The following ZNF287 variants were observed in gnomAD, a reference collection of about 807,000 sequenced individuals.
ZNF287 encodes the protein zinc finger protein with KRAB and SCAN domains 13.
Under a neutral mutation model 73.7 loss-of-function variants are expected in ZNF287, and 31 were observed. That is an observed-to-expected ratio of 0.42 (90% CI 0.32 to 0.57). The LOEUF (loss-of-function observed/expected upper bound fraction) is 0.57. ZNF287 is among the 20% of genes least tolerant of loss of function. ZNF287 has a pLI of 0.13. For synonymous variants in ZNF287, 301 were observed against 307.2 expected, an observed-to-expected ratio of 0.98 and a Z score of 0.21; for missense variants, 641 against 909.3, an observed-to-expected ratio of 0.70 and a Z score of 3.79.
intron 5 of ZNF287, among the ~76,000 whole-genome samples, chr17:16,560,883 G>A (rs1486885390): frequency 1.3e-5 from 2 of 149,040 alleles, no homozygotes; most frequent in African/African-American, 2.5e-5. Context: ...GGTGCCTGTC[G>A]TCCCAGCTAC....
chr17:16,563,665 G>A, intron 4 of ZNF287, 34 bp downstream of exon 4: 1 of 1,602,718 alleles, frequency 6.2e-7, no homozygotes. Flanking sequence ...AATGGGAACA[G>A]GCTCGGAGGA....
chr17:16,568,706 C>T (rs1233816702), intron 1 of ZNF287: 1 of 152,368 alleles, frequency 6.6e-6, no homozygotes. Flanking sequence ...CTTGCCTTGC[C>T]TCCTGTCGCC....
In ZNF287 at chr17:16,569,160, A is replaced by C. The variant is rs1309201572; in HGVS notation, c.-407T>G. On this transcript the variant is annotated 5_prime_UTR_variant, in exon 1 of 6. Transcript: ENST00000395825. Reference sequence around the variant, plus strand: ...CCGGTCCTGAGAAGCCCGGCCCAGAAACCCCGGCGCCTCTGCTTAGCCGCG... The same window carrying C: ...CCGGTCCTGAGAAGCCCGGCCCAGACACCCCGGCGCCTCTGCTTAGCCGCG... 6.6e-6 allele frequency: 1 copy of C among 152,422 alleles called. No individual in the cohort carries two copies. Among genetic ancestry groups the C allele is most frequent in the African/African-American group, 2.4e-5 (1 of 41,458 alleles). 9.4% of individuals were successfully genotyped at this position (152,422 alleles called of 1,614,324 possible). A position where few individuals can be genotyped will look rare whatever the true frequency, so the allele number is the denominator to read the frequency against.
Position 16,552,692 on chromosome 17 carries a change from C to G in ZNF287, c.1450G>C (p.Glu484Gln). The G allele has an allele frequency of 1.2e-6, 2 of 1,614,084 alleles. No homozygotes were observed. Among genetic ancestry groups the G allele is most frequent in the Non-Finnish European group, 1.7e-6 (2 of 1,180,004 alleles). ...HTGEKPYKCL[E>Q]CGKTFSHSSS... The stretch of plus-strand genomic sequence containing the variant: ...CTATGACTGAAGGTTTTACCACATT[C>G]CAAGCATTTATATGGTTTCTCTCCA... The change falls in exon 6 of 6, where the codon GAA (glutamate) becomes CAA (glutamine). Residue 484 changes from glutamate to glutamine, a missense_variant. Glu to Gln is a conservative substitution (Grantham distance 29). Coordinates refer to ENST00000395825, the MANE Select transcript of ZNF287 (RefSeq NM_020653.4). The surrounding 1 kb of genome is among the most constrained non-coding windows in gnomAD (Gnocchi z 6.5).
rs1906580317 is a variant in ZNF287, at chr17:16,550,555, T to C, written c.*1301A>G. Among the ~76,000 whole-genome samples the C allele has an allele frequency of 6.6e-6, 1 of 152,212 alleles. No homozygotes were observed. The highest frequency in any genetic ancestry group is 1.5e-5 in the Non-Finnish European group (1 of 68,028). On this transcript the variant is annotated 3_prime_UTR_variant, in exon 6 of 6. Coordinates refer to ENST00000395825, the MANE Select transcript of ZNF287 (RefSeq NM_020653.4). The stretch of plus-strand genomic sequence containing the variant: ...ACTTCCACTTCCTTCTCTTGGGATA[T>C]AGGTAGCATTTGGCAACCCATTTTA...
rs201011881 is a variant in ZNF287, at chr17:16,555,601, AACACACACACACACACAC to A, written c.716-2193_716-2176del. Among the ~76,000 whole-genome samples, 1,046 of 128,226 alleles carry A rather than the reference AACACACACACACACACAC, an allele frequency of 8.2e-3. 13 individuals carry two copies. Among genetic ancestry groups the A allele is most frequent in the African/African-American group, 0.028 (991 of 35,962 alleles). 84.1% of individuals were successfully genotyped at this position (128,226 alleles called of 152,430 possible). A position where few individuals can be genotyped will look rare whatever the true frequency, so the allele number is the denominator to read the frequency against. On this transcript the variant is annotated intron_variant, in intron 5 of 5. Coordinates refer to ENST00000395825, the MANE Select transcript of ZNF287 (RefSeq NM_020653.4). ...AGATGTGCATGCATACACATAACCAAACACACACACACACACACACACACACACACACACACACACCCC... is the reference window on the plus strand; with the variant it reads ...AGATGTGCATGCATACACATAACCAAACACACACACACACACACACACCCC...
At chr17:16,563,565 A>T in intron 4 of ZNF287, 134 bp downstream of exon 4, 1 of 1,065,914 alleles carries the variant, frequency 9.4e-7, no homozygotes, top group Non-Finnish European at 1.3e-6. Context: ...AACGGGAGTA[A>T]AACAGTCACT....
chr17:16,552,955 T>C lies in ZNF287; in HGVS notation c.1187A>G (p.Tyr396Cys), dbSNP rs373058810. Residue 396 changes from tyrosine (Y) to cysteine (C), a missense_variant, in exon 6 of 6, where the codon TAT becomes TGT. By Grantham distance (194) the Tyr-to-Cys change is radical. Coordinates refer to ENST00000395825, the MANE Select transcript of ZNF287 (RefSeq NM_020653.4). This position sits in a 1 kb window ranked among gnomAD's most constrained non-coding sequence, Gnocchi z 6.5. ...CTCTTTCCCACATTCTTCACATTCA[T>C]ACGATTTCTCTTTGGCATGGGTACT... Reference protein sequence around the residue: ...HQSTHAKEKSYECEECGKEFR... With the variant: ...HQSTHAKEKSCECEECGKEFR... The C allele has an allele frequency of 6.2e-7, 1 of 1,614,060 alleles. No individual in the cohort carries two copies. Among genetic ancestry groups the C allele is most frequent in the African/African-American group, 1.3e-5 (1 of 74,918 alleles).
rs1907918232 is a variant in ZNF287, at chr17:16,569,010, T to C, written c.-257A>G. On this transcript the variant is annotated 5_prime_UTR_variant, in exon 1 of 6. Transcript: ENST00000395825. ...GCGGCCCTAAGGCCACAGGCAACAA[T>C]GGCGACGCTGGCACAGGCGCCTGCG... is the stretch of plus-strand genomic sequence containing the variant. 6.6e-6 allele frequency: 1 copy of C among 152,284 alleles called. No homozygotes were observed. Among genetic ancestry groups the C allele is most frequent in the Non-Finnish European group, 1.5e-5 (1 of 68,132 alleles). The allele number at this position is 152,284 out of a possible 1,614,324, so 9.4% of individuals were successfully genotyped here.
In ZNF287 at chr17:16,551,725, C is replaced by T; in HGVS notation, c.*131G>A. Reference sequence around the variant, plus strand: ...TAAATAGGTTATATCCATACCACTACTTCTGATACTTCTGCTGAGTATCTA... The same window carrying T: ...TAAATAGGTTATATCCATACCACTATTTCTGATACTTCTGCTGAGTATCTA... On this transcript the variant is annotated 3_prime_UTR_variant, in exon 6 of 6. Coordinates refer to ENST00000395825, the MANE Select transcript of ZNF287 (RefSeq NM_020653.4). 2.1e-6 allele frequency: 2 copies of T among 963,238 alleles called. No individual in the cohort carries two copies. Among genetic ancestry groups the T allele is most frequent in the Admixed American group, 2.5e-5 (1 of 40,314 alleles). The allele number at this position is 963,238 out of a possible 1,614,324, so 59.7% of individuals were successfully genotyped here.
At chr17:16,558,600 A>C (rs1269976389) in intron 5 of ZNF287, among the ~76,000 whole-genome samples, 1 of 152,140 alleles carries the variant, frequency 6.6e-6, no homozygotes, top group Non-Finnish European at 1.5e-5. Flanking sequence ...GTGCCTGGCC[A>C]TATCATATTT....
chr17:16,554,039 C>A (rs951441390), intron 5 of ZNF287, among the ~76,000 whole-genome samples: 1 of 152,254 alleles, frequency 6.6e-6, no homozygotes, highest in South Asian at 2.1e-4. Flanking sequence ...TTAAACCCAG[C>A]AGTTTTGCTA....
intron 5 of ZNF287, among the ~76,000 whole-genome samples, chr17:16,560,240 G>C (rs754450231): frequency 3.3e-5 from 5 of 151,058 alleles, no homozygotes; most frequent in Non-Finnish European, 7.4e-5. Context: ...GGGATTACAG[G>C]AGTAAGCCAC....
At chr17:16,566,279 G>A (rs1274317826) in intron 3 of ZNF287, among the ~76,000 whole-genome samples, 2 of 152,118 alleles carry the variant, frequency 1.3e-5, no homozygotes, top group South Asian at 2.1e-4. Context: ...GGTCAATCTC[G>A]TATTCTCTAT....
chr17:16,557,145 C>T (rs1002491786), intron 5 of ZNF287, among the ~76,000 whole-genome samples: 6 of 152,084 alleles, frequency 3.9e-5, no homozygotes, highest in Non-Finnish European at 7.4e-5. Context: ...TGCACCCGAC[C>T]GATAAACGCA....
At chr17:16,561,892 C>T (rs924343800) in intron 5 of ZNF287, among the ~76,000 whole-genome samples, 1 of 152,056 alleles carries the variant, frequency 6.6e-6, no homozygotes, top group Non-Finnish European at 1.5e-5. Flanking sequence ...TTTGACTATA[C>T]ATTTGATGAC....
chr17:16,557,475 T>C (rs147275175), intron 5 of ZNF287, among the ~76,000 whole-genome samples: 2 of 152,252 alleles, frequency 1.3e-5, no homozygotes, highest in African/African-American at 4.8e-5. Flanking sequence ...CCAATACTAC[T>C]ATTCTGTTTG....
At chr17:16,562,150 A>C (rs186400702) in intron 5 of ZNF287, among the ~76,000 whole-genome samples, 5 of 152,308 alleles carry the variant, frequency 3.3e-5, no homozygotes, top group African/African-American at 1.2e-4. Context: ...AAATCTTTTA[A>C]AATCAAGTTA....
rs939740285 is a variant in ZNF287, at chr17:16,551,223, G to C, written c.*633C>G. Among the ~76,000 whole-genome samples, 11 of 152,060 alleles carry C rather than the reference G, an allele frequency of 7.2e-5. No individual in the cohort carries two copies. The highest frequency in any genetic ancestry group is 2.7e-4 in the African/African-American group (11 of 41,402). ...AAGGCTTCAAAGCTGGGAATAAAAG[G>C]CCTGAAAGCAGCTTACTCTTTTCTG... On this transcript the variant is annotated 3_prime_UTR_variant, in exon 6 of 6. Coordinates refer to ENST00000395825, the MANE Select transcript of ZNF287 (RefSeq NM_020653.4).
Sources: allele counts gnomAD v4.1 joint callset (sites outside exome capture counted in the v4.1 genomes callset), GRCh38; gene constraint gnomAD v4.1.1; non-coding constraint Gnocchi (gnomAD v3.1); transcripts MANE v1.5; gene names NCBI Gene and HGNC (gene_info 2026-07-23, HGNC 2026-07-21).